The following GLCCI1 variants were observed in gnomAD, a reference collection of about 807,000 sequenced individuals.
GLCCI1 encodes glucocorticoid induced 1, also known as glucocorticoid-induced transcript 1 protein.
GLCCI1 carries 24 observed loss-of-function variants against 52.2 expected under a neutral mutation model. The observed-to-expected ratio is 0.46, with a 90% CI of 0.33 to 0.65. The LOEUF (loss-of-function observed/expected upper bound fraction) is 0.65, where lower values mean the gene tolerates loss of function less well. Ranked by LOEUF, GLCCI1 falls within the 30% of genes least tolerant of loss-of-function variation. GLCCI1 has a pLI of 0.02. For missense variants in GLCCI1, 704 were observed against 701.5 expected, an observed-to-expected ratio of 1.00 and a Z score of -0.04; for synonymous variants, 310 against 276.5, an observed-to-expected ratio of 1.12 and a Z score of -1.20.
At position 7,969,832 on chromosome 7, in the gene GLCCI1, T is replaced by G. The variant is rs1279782126; in HGVS notation, c.457+25T>G. 14 of 1,407,728 alleles carry G rather than the reference T, an allele frequency of 9.9e-6. No individual in the cohort carries two copies. Among genetic ancestry groups the G allele is most frequent in the Non-Finnish European group, 1.3e-5 (14 of 1,077,756 alleles). 87.2% of individuals were successfully genotyped at this position (1,407,728 alleles called of 1,614,324 possible). A position where few individuals can be genotyped will look rare whatever the true frequency, so the allele number is the denominator to read the frequency against. On this transcript the variant is annotated intron_variant, in intron 1 of 7. Coordinates refer to ENST00000223145, the MANE Select transcript of GLCCI1 (RefSeq NM_138426.4). This position sits in a 1 kb window ranked among gnomAD's most constrained non-coding sequence, Gnocchi z 4.9. ...GGTAGCGAGCCCAACCCTCCCGTCC[T>G]CCCGGGCTGCGTCTCCCCGACGGTG...
At chr7:7,976,169 A>G (rs1256342932) in intron 1 of GLCCI1, among the ~76,000 whole-genome samples, 2 of 152,042 alleles carry the variant, frequency 1.3e-5, no homozygotes, top group African/African-American at 2.4e-5. Context: ...GGCTCACCAA[A>G]AAGAATGATG....
chr7:8,012,193 A>C (rs1014947224), intron 2 of GLCCI1, among the ~76,000 whole-genome samples: 1 of 151,952 alleles, frequency 6.6e-6, no homozygotes, highest in Non-Finnish European at 1.5e-5. Context: ...CTGGTATCTT[A>C]CTTTGATTTT....
At chr7:8,028,332 G>A (rs1781665790) in intron 3 of GLCCI1, among the ~76,000 whole-genome samples, 1 of 152,068 alleles carries the variant, frequency 6.6e-6, no homozygotes, top group Admixed American at 6.6e-5. Flanking sequence ...ACAAGCACAT[G>A]GAAGTTAAAC....
At chr7:8,075,322 G>C (rs913073710) in intron 6 of GLCCI1, among the ~76,000 whole-genome samples, 2 of 152,220 alleles carry the variant, frequency 1.3e-5, no homozygotes, top group South Asian at 2.1e-4. Flanking sequence ...AAGGGAACTT[G>C]GTCACACTGG....
Position 8,060,092 on chromosome 7 carries a change from A to G in GLCCI1, c.814-4A>G, listed in dbSNP as rs2127960572. The G allele has an allele frequency of 6.2e-7, 1 of 1,606,230 alleles. No homozygotes were observed. The highest frequency in any genetic ancestry group is 8.5e-7 in the Non-Finnish European group (1 of 1,175,956). On this transcript the variant is annotated splice_polypyrimidine_tract_variant and splice_region_variant and intron_variant, in intron 4 of 7. Transcript: ENST00000223145. ...TTTGATACCACCTTTATCTTATCTC[A>G]TAGGCTACTGGATCAAGGTCAGTTC...
Position 8,087,090 on chromosome 7 carries a change from A to T in GLCCI1, c.*552A>T, listed in dbSNP as rs906668644. 2.0e-5 allele frequency: 3 copies of T among 152,696 alleles called. No individual in the cohort carries two copies. Among genetic ancestry groups the T allele is most frequent in the Non-Finnish European group, 4.4e-5 (3 of 68,144 alleles). 9.5% of individuals were successfully genotyped at this position (152,696 alleles called of 1,614,324 possible). A position where few individuals can be genotyped will look rare whatever the true frequency, so the allele number is the denominator to read the frequency against. ...ACTCAGGTAACTTGGAATGTATATC[A>T]TATTGGGATATTAAATATTTCACAG... On this transcript the variant is annotated 3_prime_UTR_variant, in exon 8 of 8. Transcript: ENST00000223145.
At chr7:8,031,403 G>A (rs957987210) in intron 3 of GLCCI1, among the ~76,000 whole-genome samples, 2 of 152,106 alleles carry the variant, frequency 1.3e-5, no homozygotes, top group Admixed American at 1.3e-4. Flanking sequence ...GCTGGAAAGT[G>A]TTGGGTGGGG....
At chr7:8,050,343 A>G (rs1162477141) in intron 3 of GLCCI1, among the ~76,000 whole-genome samples, 1 of 152,186 alleles carries the variant, frequency 6.6e-6, no homozygotes, top group Non-Finnish European at 1.5e-5. Context: ...AACAGTGATT[A>G]TTCATATTTA....
Position 8,087,630 on chromosome 7 carries a change from GA to G in GLCCI1, c.*1097del, listed in dbSNP as rs1783145449. The G allele has an allele frequency of 6.6e-6, 1 of 152,506 alleles. No individual in the cohort carries two copies. The highest frequency in any genetic ancestry group is 2.1e-4 in the South Asian group (1 of 4,830). The allele number at this position is 152,506 out of a possible 1,614,324, so 9.4% of individuals were successfully genotyped here. A position where few individuals can be genotyped will look rare whatever the true frequency, so the allele number is the denominator to read the frequency against. On this transcript the variant is annotated 3_prime_UTR_variant, in exon 8 of 8. Transcript: ENST00000223145. ...CTTGGAAATTCTTTATTTTGCAGGT[GA>G]AAAAGTGACATACTTTTTGTTATTG...
intron 2 of GLCCI1, among the ~76,000 whole-genome samples, chr7:8,010,972 A>G (rs750599066): frequency 6.6e-6 from 1 of 151,818 alleles, no homozygotes; most frequent in Non-Finnish European, 1.5e-5. Flanking sequence ...ATAACATGCT[A>G]GGGAGGCATG....
Position 8,022,581 on chromosome 7 carries a change from C to T in GLCCI1, c.696+12C>T. On this transcript the variant is annotated intron_variant, in intron 3 of 7. Coordinates refer to ENST00000223145, the MANE Select transcript of GLCCI1 (RefSeq NM_138426.4). ...ATCAACTAAAAGAGGTAAGTTATTT[C>T]TGTTTTCCGTCTGTAACCTGTTTTG... 2.6e-6 allele frequency: 4 copies of T among 1,532,954 alleles called. No homozygotes were observed. Among genetic ancestry groups the T allele is most frequent in the Non-Finnish European group, 3.5e-6 (4 of 1,134,126 alleles). 95.0% of individuals were successfully genotyped at this position (1,532,954 alleles called of 1,614,324 possible). A position where few individuals can be genotyped will look rare whatever the true frequency, so the allele number is the denominator to read the frequency against.
chr7:8,017,524 T>G (rs1054268181), intron 2 of GLCCI1, among the ~76,000 whole-genome samples: 1 of 152,188 alleles, frequency 6.6e-6, no homozygotes, highest in Non-Finnish European at 1.5e-5. Flanking sequence ...AGTCTGAGGT[T>G]GAGCCTGAGA....
intron 3 of GLCCI1, among the ~76,000 whole-genome samples, chr7:8,029,856 T>C (rs1011316822): frequency 3.9e-5 from 6 of 151,964 alleles, no homozygotes; most frequent in Non-Finnish European, 7.4e-5. Context: ...AAGTGAAAGA[T>C]CTCTACAATG....
At chr7:7,976,158 TGGC>T in intron 1 of GLCCI1, among the ~76,000 whole-genome samples, 1 of 152,074 alleles carries the variant, frequency 6.6e-6, no homozygotes, top group South Asian at 2.1e-4. Context: ...ACCTTAATGA[TGGC>T]TCACCAAAAA....
intron 3 of GLCCI1, among the ~76,000 whole-genome samples, chr7:8,050,061 G>A (rs564849965): frequency 1.3e-5 from 2 of 152,254 alleles, no homozygotes; most frequent in East Asian, 3.9e-4. Context: ...TATCTGTAGA[G>A]GTGAATCTGG....
chr7:8,070,429 A>G (rs2109382), intron 5 of GLCCI1: 64,056 of 152,500 alleles, frequency 0.42, 13,701 homozygotes, highest in Middle Eastern at 0.52. Context: ...CAAAGGAAAT[A>G]GAAACTATGG....
In GLCCI1 at chr7:8,056,801, T is replaced by C. The variant is rs569100609; in HGVS notation, c.813+1252T>C. Among the ~76,000 whole-genome samples the C allele has an allele frequency of 3.3e-5, 5 of 152,330 alleles. No homozygotes were observed. The East Asian group carries it at 7.7e-4, about 23-fold the overall frequency. On this transcript the variant is annotated intron_variant, in intron 4 of 7. Coordinates refer to ENST00000223145, the MANE Select transcript of GLCCI1 (RefSeq NM_138426.4). ...AAACTAAAAATAGGATATTTCATAATGTGACTAACTGCAAATACAGTAAGA... is the reference window on the plus strand; with the variant it reads ...AAACTAAAAATAGGATATTTCATAACGTGACTAACTGCAAATACAGTAAGA...
chr7:8,023,588 CTTTTTTTTTTT>C (rs571726894), intron 3 of GLCCI1, among the ~76,000 whole-genome samples: 20 of 41,992 alleles, frequency 4.8e-4, no homozygotes, highest in Non-Finnish European at 4.7e-4. Context: ...CTCTGTTATT[CTTTTTTTTTTT>C]TTTTTTTTTT....
rs1312994603 is a variant in GLCCI1 at position 8,087,838 on chromosome 7, G to C, written c.*1300G>C. 6.6e-6 allele frequency: 1 copy of C among 152,652 alleles called. No individual in the cohort carries two copies. Among genetic ancestry groups the C allele is most frequent in the Non-Finnish European group, 1.5e-5 (1 of 68,042 alleles). The allele number at this position is 152,652 out of a possible 1,614,324, so 9.5% of individuals were successfully genotyped here. ...TTTGAAATTTGCAACCTGTGAGGTA[G>C]AGCATAAACTCAAGAAAATAGCCTT... is the stretch of plus-strand genomic sequence containing the variant. On this transcript the variant is annotated 3_prime_UTR_variant, in exon 8 of 8. Transcript: ENST00000223145.
Sources: gnomAD v4.1 joint callset for allele counts (sites outside exome capture counted in the v4.1 genomes callset) on GRCh38, gnomAD v4.1.1 for gene constraint, Gnocchi (gnomAD v3.1) non-coding constraint, MANE v1.5 for transcripts, NCBI Gene and HGNC (gene_info 2026-07-23, HGNC 2026-07-21) for gene names.